The following LPIN1 variants were observed in gnomAD, a reference collection of about 807,000 sequenced individuals.
LPIN1 encodes phosphatidate phosphatase LPIN1.
A neutral mutation model predicts 107.5 loss-of-function variants in LPIN1; 71 were observed. The observed-to-expected ratio is 0.66, with a 90% CI of 0.55 to 0.80. The LOEUF (loss-of-function observed/expected upper bound fraction) is 0.80. Ranked by LOEUF, LPIN1 falls within the 30% of genes least tolerant of loss-of-function variation. The pLI, the probability that LPIN1 is intolerant of heterozygous loss-of-function variation, is 0.00. For missense variants in LPIN1, 1,043 were observed against 1,160.6 expected (o/e 0.90, Z 1.47); for synonymous variants, 445 against 452.6 (o/e 0.98, Z 0.21).
chr2:11,784,955 G>C lies in LPIN1; in HGVS notation c.1428G>C (p.Gln476His), dbSNP rs1424021071. Reference protein sequence around the residue: ...NGARSANQSPQSVGSSGVDSG... With the variant: ...NGARSANQSPHSVGSSGVDSG... ...CCCGGTCAGCCAACCAGTCCCCGCA[G>C]TCGGTGGGCAGCTCGGGCGTGGACA... is the stretch of plus-strand genomic sequence containing the variant. Residue 476 changes from glutamine to histidine, a missense_variant, in exon 10 of 21, where the codon CAG (glutamine) becomes CAC (histidine). By Grantham distance (24) the Gln-to-His change is conservative. Coordinates refer to ENST00000674199, the MANE Select transcript of LPIN1 (RefSeq NM_001349206.2). 6.2e-7 allele frequency: 1 copy of C among 1,614,002 alleles called. No homozygotes were observed. The highest frequency in any genetic ancestry group is 8.5e-7 in the Non-Finnish European group (1 of 1,180,030).
At chr2:11,721,301 T>A (rs1664126942), upstream of LPIN1, among the ~76,000 whole-genome samples, 1 of 151,424 alleles carries the variant, frequency 6.6e-6, no homozygotes, top group Non-Finnish European at 1.5e-5. Flanking sequence ...TGTGTGTGTG[T>A]GTGTGTGTCA....
chr2:11,805,710 C>T (rs1272898633), intron 17 of LPIN1, among the ~76,000 whole-genome samples: 2 of 152,224 alleles, frequency 1.3e-5, no homozygotes, highest in African/African-American at 2.4e-5. Context: ...CGACTGCTCT[C>T]CTGTGCTGGG....
At chr2:11,734,356 T>A (rs964705276) in intron 1 of LPIN1, among the ~76,000 whole-genome samples, 6 of 152,252 alleles carry the variant, frequency 3.9e-5, no homozygotes, top group African/African-American at 1.2e-4. Flanking sequence ...TGGATGATAG[T>A]AATAATAACG....
intron 1 of LPIN1, among the ~76,000 whole-genome samples, chr2:11,687,775 G>A (rs532648928): frequency 3.9e-5 from 6 of 152,362 alleles, no homozygotes; most frequent in African/African-American, 9.6e-5. Flanking sequence ...CAACACTCAC[G>A]GGGGAGGCAG....
chr2:11,767,927 C>G, intron 3 of LPIN1, 69 bp downstream of exon 3: 4 of 1,011,652 alleles, frequency 4.0e-6, no homozygotes, highest in Non-Finnish European at 6.3e-6. Flanking sequence ...TCTGGAAACA[C>G]GGCAGAAGTT....
chr2:11,719,711 G>T (rs980626762), upstream of LPIN1, among the ~76,000 whole-genome samples: 23 of 151,778 alleles, frequency 1.5e-4, no homozygotes, highest in African/African-American at 5.3e-4. Flanking sequence ...TGTTAATGGA[G>T]CTCTTACGCA....
chr2:11,751,040 C>T (rs981059382), intron 1 of LPIN1, among the ~76,000 whole-genome samples: 15 of 152,218 alleles, frequency 9.9e-5, no homozygotes, highest in Admixed American at 9.8e-4. Context: ...GCCAAAGGAT[C>T]GGAGTCAAAG....
At chr2:11,693,788 GTATATATATATATATATA>G (rs869167624) in intron 1 of LPIN1, among the ~76,000 whole-genome samples, 649 of 40,956 alleles carry the variant, frequency 0.016, 18 homozygotes, top group East Asian at 0.053. Flanking sequence ...GTGTGAGTGT[GTATATATATATATATATA>G]TATATATATA....
chr2:11,756,881 A>G (rs1668770968), intron 1 of LPIN1, among the ~76,000 whole-genome samples: 2 of 152,228 alleles, frequency 1.3e-5, no homozygotes, highest in African/African-American at 2.4e-5. Flanking sequence ...AGTGGGATGT[A>G]ATAACCTCAG....
Position 11,786,978 on chromosome 2 carries a change from A to C in LPIN1, c.1550-96A>C. ...GCACAGTTGGAATGCACAAACTCTC[A>C]GAAAACACTTGTGAGTGAGCAAATG... is the stretch of plus-strand genomic sequence containing the variant. On this transcript the variant is annotated intron_variant, in intron 10 of 20. Coordinates refer to ENST00000674199, the MANE Select transcript of LPIN1 (RefSeq NM_001349206.2). The surrounding 1 kb of genome is among the most constrained non-coding windows in gnomAD (Gnocchi z 4.1). 1 of 840,852 alleles carries C rather than the reference A, an allele frequency of 1.2e-6. No individual in the cohort carries two copies. Among genetic ancestry groups the C allele is most frequent in the Non-Finnish European group, 2.1e-6 (1 of 481,796 alleles). The allele number at this position is 840,852 out of a possible 1,614,324, so 52.1% of individuals were successfully genotyped here.
At chr2:11,819,072 GTA>G (rs1029096497) in intron 18 of LPIN1, 3 of 217,794 alleles carry the variant, frequency 1.4e-5, no homozygotes, top group Non-Finnish European at 2.8e-5. Flanking sequence ...ACACACACGT[GTA>G]TATATATATT....
intron 7 of LPIN1, among the ~76,000 whole-genome samples, chr2:11,780,688 A>G (rs988321467): frequency 7.2e-5 from 11 of 152,332 alleles, no homozygotes; most frequent in Admixed American, 7.2e-4. Flanking sequence ...GCTTGCTAAA[A>G]AGGTGACCTT....
chr2:11,721,161 C>T (rs537136366), upstream of LPIN1, among the ~76,000 whole-genome samples: 5 of 152,066 alleles, frequency 3.3e-5, no homozygotes, highest in East Asian at 1.9e-4. Context: ...CAGGTGAATT[C>T]GCATTAATTC....
At chr2:11,695,203 C>T (rs1662509055) in intron 1 of LPIN1, among the ~76,000 whole-genome samples, 1 of 152,142 alleles carries the variant, frequency 6.6e-6, no homozygotes, top group South Asian at 2.1e-4. Context: ...TCATGGAGTT[C>T]ACATGGTGGG....
intron 6 of LPIN1, among the ~76,000 whole-genome samples, chr2:11,776,395 T>G (rs1021937444): frequency 2.0e-5 from 3 of 152,174 alleles, no homozygotes; most frequent in African/African-American, 7.2e-5. Context: ...TATAGATTAC[T>G]CTTTTCCTTT....
intron 1 of LPIN1, among the ~76,000 whole-genome samples, chr2:11,691,180 C>T (rs1662255507): frequency 6.6e-6 from 1 of 151,648 alleles, no homozygotes; most frequent in African/African-American, 2.4e-5. Flanking sequence ...AGGGTCCACC[C>T]TCAGTCCTGT....
chr2:11,696,845 G>A (rs986160596), intron 1 of LPIN1, among the ~76,000 whole-genome samples: 3 of 152,238 alleles, frequency 2.0e-5, no homozygotes, highest in African/African-American at 7.2e-5. Flanking sequence ...TCCCCACCAC[G>A]TGGGTCTCCT....
upstream of LPIN1, among the ~76,000 whole-genome samples, chr2:11,744,596 T>C (rs1666706734): frequency 6.6e-6 from 1 of 152,164 alleles, no homozygotes; most frequent in Non-Finnish European, 1.5e-5. Flanking sequence ...TTGAGTTGAA[T>C]TGTCCTATAT....
At chr2:11,752,167 A>G (rs1161596114) in intron 1 of LPIN1, among the ~76,000 whole-genome samples, 2 of 152,202 alleles carry the variant, frequency 1.3e-5, no homozygotes, top group African/African-American at 4.8e-5. Flanking sequence ...GGGTTTGCCA[A>G]TAGGTGCCCC....
Sources: gnomAD v4.1 joint callset for allele counts (sites outside exome capture counted in the v4.1 genomes callset) on GRCh38, gnomAD v4.1.1 for gene constraint, Gnocchi (gnomAD v3.1) non-coding constraint, MANE v1.5 for transcripts, NCBI Gene and HGNC (gene_info 2026-07-23, HGNC 2026-07-21) for gene names.